Variants in KCNJ10 observed in about 807,000 individuals in gnomAD.
KCNJ10 encodes ATP-sensitive inward rectifier potassium channel 10.
In KCNJ10, 9 loss-of-function variants were observed where a neutral mutation model predicts 22.2. The ratio of observed to expected loss-of-function variants is 0.40; its 90% CI spans 0.24 to 0.71. The LOEUF (loss-of-function observed/expected upper bound fraction) is 0.71, where lower values mean the gene tolerates loss of function less well. KCNJ10 is among the 30% of genes least tolerant of loss of function. KCNJ10 has a pLI of 0.35. For synonymous variants in KCNJ10, 184 were observed against 187.3 expected (o/e 0.98, Z 0.15); for missense variants, 337 against 482.7 (o/e 0.70, Z 2.83).
intron 1 of KCNJ10, among the ~76,000 whole-genome samples, chr1:160,066,753 T>G (rs1368986822): frequency 6.6e-6 from 1 of 152,230 alleles, no homozygotes; most frequent in Non-Finnish European, 1.5e-5. Flanking sequence ...GGGAGGCCCC[T>G]GACAGTTGTC....
At chr1:160,057,327 C>T (rs11265311) in intron 1 of KCNJ10, among the ~76,000 whole-genome samples, 59 of 152,312 alleles carry the variant, frequency 3.9e-4, no homozygotes, top group Middle Eastern at 6.8e-3. Flanking sequence ...TTTTCCCTCA[C>T]GTTGCCTCTC....
intron 1 of KCNJ10, among the ~76,000 whole-genome samples, chr1:160,057,039 C>T (rs754421356): frequency 9.9e-5 from 15 of 152,186 alleles, no homozygotes; most frequent in Non-Finnish European, 1.8e-4. Context: ...GTGTCACTTA[C>T]TAGCTAGGGG....
At chr1:160,060,165 T>C (rs1026679829) in intron 1 of KCNJ10, among the ~76,000 whole-genome samples, 3 of 152,114 alleles carry the variant, frequency 2.0e-5, no homozygotes, top group African/African-American at 7.2e-5. Context: ...TTTTTACTTA[T>C]TCCTTATCCA....
At chr1:160,049,679 A>ATT (rs1557970340) in intron 1 of KCNJ10, among the ~76,000 whole-genome samples, 31 of 28,150 alleles carry the variant, frequency 1.1e-3, no homozygotes, top group African/African-American at 2.8e-3. Context: ...ATTTATTTAT[A>ATT]TATATATATA....
chr1:160,043,340 C>G (rs534125633), intron 1 of KCNJ10, among the ~76,000 whole-genome samples: 164 of 150,346 alleles, frequency 1.1e-3, no homozygotes, highest in African/African-American at 3.6e-3. Flanking sequence ...ATTCTCTGCT[C>G]TACCCCCAAG....
chr1:160,041,753 A>G lies in KCNJ10; in HGVS notation c.780T>C (p.Asp260=), dbSNP rs2101924747. 1 of 1,614,102 alleles carries G rather than the reference A, an allele frequency of 6.2e-7. No homozygotes were observed. Among genetic ancestry groups the G allele is most frequent in the Non-Finnish European group, 8.5e-7 (1 of 1,179,962 alleles). The change falls in exon 2 of 2, where the codon GAT becomes GAC. Residue 260 remains aspartate, a synonymous_variant. Transcript: ENST00000644903. The surrounding 1 kb of genome is among the most constrained non-coding windows in gnomAD (Gnocchi z 4.4). ...ILPLTFYHVV[D]ETSPLKDLPL... is the part of the protein sequence containing the mutation. Reference sequence around the variant, plus strand: ...GGAGATCTTTCAAGGGACTGGTCTCATCTACCACATGATAGAAGGTAAGGG... The same window carrying G: ...GGAGATCTTTCAAGGGACTGGTCTCGTCTACCACATGATAGAAGGTAAGGG...
chr1:160,049,151 A>C (rs1192940752), intron 1 of KCNJ10, among the ~76,000 whole-genome samples: 1 of 152,196 alleles, frequency 6.6e-6, no homozygotes, highest in East Asian at 1.9e-4. Context: ...CCGTCTCCCA[A>C]ATCCATCCAC....
At chr1:160,052,005 T>C (rs952879106) in intron 1 of KCNJ10, among the ~76,000 whole-genome samples, 1 of 152,188 alleles carries the variant, frequency 6.6e-6, no homozygotes, top group African/African-American at 2.4e-5. Context: ...CATCTAATCA[T>C]AACTCTCGCC....
At chr1:160,065,870 C>T (rs993586560) in intron 1 of KCNJ10, among the ~76,000 whole-genome samples, 23 of 151,858 alleles carry the variant, frequency 1.5e-4, no homozygotes, top group Admixed American at 1.4e-3. Context: ...GGGAAGGAGT[C>T]GAGGAGAGAG....
Position 160,042,311 on chromosome 1 carries a change from G to T in KCNJ10, c.222C>A (p.Thr74=). The T allele has an allele frequency of 1.2e-6, 2 of 1,613,662 alleles. No homozygotes were observed. Among genetic ancestry groups the T allele is most frequent in the Non-Finnish European group, 1.7e-6 (2 of 1,179,558 alleles). The change falls in exon 2 of 2, where the codon ACC becomes ACA. Residue 74 remains threonine (T), a synonymous_variant. Transcript: ENST00000644903. ...WRYKLLLFSA[T]FAGTWFLFGV... Reference sequence around the variant, plus strand: ...CAAAGAGGAACCATGTGCCTGCAAAGGTCGCAGAGAAGAGCAGAAGCTTGT... The same window carrying T: ...CAAAGAGGAACCATGTGCCTGCAAATGTCGCAGAGAAGAGCAGAAGCTTGT...
chr1:160,069,790 C>A (rs1014588701), intron 1 of KCNJ10, among the ~76,000 whole-genome samples: 3 of 152,180 alleles, frequency 2.0e-5, no homozygotes, highest in Non-Finnish European at 4.4e-5. Flanking sequence ...AAGCCCCTTC[C>A]TTAGATGAAA....
In KCNJ10 at chr1:160,039,904, TGG is replaced by T. The variant is rs1648564842; in HGVS notation, c.*1487_*1488del. On this transcript the variant is annotated 3_prime_UTR_variant, in exon 2 of 2. Transcript: ENST00000644903. ...GGATTTGGGGCTTTGGATAAAGCTC[TGG>T]TGCCTATATGCCCTTCCCTGACCCT... 6.6e-6 allele frequency: 1 copy of T among 152,266 alleles called. No individual in the cohort carries two copies. Among genetic ancestry groups the T allele is most frequent in the Admixed American group, 6.5e-5 (1 of 15,282 alleles). The allele number at this position is 152,266 out of a possible 1,614,324, so 9.4% of individuals were successfully genotyped here. A position where few individuals can be genotyped will look rare whatever the true frequency, so the allele number is the denominator to read the frequency against.
At chr1:160,064,304 A>G (rs1373747955) in intron 1 of KCNJ10, among the ~76,000 whole-genome samples, 1 of 152,178 alleles carries the variant, frequency 6.6e-6, no homozygotes, top group South Asian at 2.1e-4. Context: ...CACTTTCATT[A>G]TTTCACAGTG....
In KCNJ10 at chr1:160,041,339, G is replaced by A; in HGVS notation, c.*54C>T. On this transcript the variant is annotated 3_prime_UTR_variant, in exon 2 of 2. Coordinates refer to ENST00000644903, the MANE Select transcript of KCNJ10 (RefSeq NM_002241.5). This position sits in a 1 kb window ranked among gnomAD's most constrained non-coding sequence, Gnocchi z 4.4. ...AAACCCGGGTAGTATTCCTTACCAG[G>A]GCATTGGAAGAGAGGAAAAGAGACC... The A allele has an allele frequency of 6.5e-7, 1 of 1,540,240 alleles. No homozygotes were observed. The highest frequency in any genetic ancestry group is 8.9e-7 in the Non-Finnish European group (1 of 1,121,116).
rs1218948792 is a variant in KCNJ10, at chr1:160,046,834, A to AC, written c.1-4303dup. On this transcript the variant is annotated intron_variant, in intron 1 of 1. Transcript: ENST00000644903. The stretch of plus-strand genomic sequence containing the variant: ...GTTGCGCACCCCACCACCCCGGGGC[A>AC]CCCCCGCAAAATAAAACATACTCTT... 3.3e-5 allele frequency among the ~76,000 whole-genome samples: 5 copies of AC among 152,148 alleles called. No individual in the cohort carries two copies. The South Asian group carries it at 6.2e-4, about 19-fold the overall frequency.
At chr1:160,042,633 C>T (rs1410338433) in intron 1 of KCNJ10, 101 bp from the exon 2 acceptor site, 7 of 1,041,606 alleles carry the variant, frequency 6.7e-6, no homozygotes, top group Admixed American at 5.5e-5. Context: ...ATTTGAATGT[C>T]GCTTATGTGT....
chr1:160,061,732 G>A (rs1018349069), intron 1 of KCNJ10, among the ~76,000 whole-genome samples: 7 of 145,596 alleles, frequency 4.8e-5, no homozygotes, highest in South Asian at 2.3e-4. Flanking sequence ...GCCTGCGGCC[G>A]TGGAGGGGGT....
At position 160,047,579 on chromosome 1, in the gene KCNJ10, A is replaced by G. The variant is rs116318002; in HGVS notation, c.1-5047T>C. Among the ~76,000 whole-genome samples the G allele has an allele frequency of 5.2e-3, 788 of 151,990 alleles. 3 individuals are homozygous for G. The highest frequency in any genetic ancestry group is 0.018 in the African/African-American group (737 of 41,440). ...TGCCCTGCTCCGTGCCTACCTGATG[A>G]TCTCCTTATCTTTCAGAACTCGACT... On this transcript the variant is annotated intron_variant, in intron 1 of 1. Coordinates refer to ENST00000644903, the MANE Select transcript of KCNJ10 (RefSeq NM_002241.5).
Position 160,042,527 on chromosome 1 carries a change from C to T in KCNJ10, c.6G>A (p.Thr2=), listed in dbSNP as rs766308095. 5.6e-6 allele frequency: 9 copies of T among 1,613,832 alleles called. No individual in the cohort carries two copies. Among genetic ancestry groups the T allele is most frequent in the African/African-American group, 1.3e-5 (1 of 74,914 alleles). ...GACTGTAATACACCTTGGCAACTGA[C>T]GTCATCTGGAGGGAGCAAGACAGCA... is the stretch of plus-strand genomic sequence containing the variant. M[T]SVAKVYYSQT... is the part of the protein sequence containing the mutation. The change falls in exon 2 of 2, where the codon ACG becomes ACA. Residue 2 remains threonine (T), a synonymous_variant. Coordinates refer to ENST00000644903, the MANE Select transcript of KCNJ10 (RefSeq NM_002241.5).
Sources: allele counts gnomAD v4.1 joint callset (sites outside exome capture counted in the v4.1 genomes callset), GRCh38; gene constraint gnomAD v4.1.1; non-coding constraint Gnocchi (gnomAD v3.1); transcripts MANE v1.5; gene names NCBI Gene and HGNC (gene_info 2026-07-23, HGNC 2026-07-21).